NACC2: variants seen among roughly 807,000 people sequenced by gnomAD.
The protein encoded by NACC2 is nucleus accumbens-associated protein 2.
NACC2 carries 8 observed loss-of-function variants against 25.1 expected under a neutral mutation model. The ratio of observed to expected loss-of-function variants is 0.32; its 90% CI spans 0.19 to 0.57. The LOEUF (loss-of-function observed/expected upper bound fraction) is 0.57. Among genes scored for constraint, NACC2 ranks in the 20% least tolerant of loss-of-function variants. NACC2 has a pLI of 0.89. For synonymous variants in NACC2, 435 were observed against 294.7 expected (o/e 1.48, Z -4.88); for missense variants, 644 against 650.2 (o/e 0.99, Z 0.10).
intron 1 of NACC2, among the ~76,000 whole-genome samples, chr9:136,081,978 C>T (rs921279352): frequency 3.9e-5 from 6 of 152,190 alleles, no homozygotes; most frequent in Non-Finnish European, 5.9e-5. Flanking sequence ...GTGGAGCTGA[C>T]GCGAGAGCCA....
chr9:136,036,043 A>G, intron 2 of NACC2, among the ~76,000 whole-genome samples: 1 of 152,234 alleles, frequency 6.6e-6, no homozygotes, highest in Admixed American at 6.6e-5. Context: ...ATAAAAAATT[A>G]TATTAACAAA....
At chr9:136,024,207 AGT>A (rs200789223) in intron 2 of NACC2, among the ~76,000 whole-genome samples, 9 of 88,882 alleles carry the variant, frequency 1.0e-4, no homozygotes, top group Non-Finnish European at 1.5e-4. Flanking sequence ...GTGAGGACAG[AGT>A]GTGTGTGTGT....
chr9:136,093,020 TG>T (rs539083881), intron 1 of NACC2, among the ~76,000 whole-genome samples: 47 of 152,264 alleles, frequency 3.1e-4, no homozygotes, highest in Middle Eastern at 3.4e-3. Flanking sequence ...TGACGGTGGC[TG>T]GGGCCACTGG....
intron 1 of NACC2, among the ~76,000 whole-genome samples, chr9:136,076,186 C>G (rs1020365821): frequency 1.3e-5 from 2 of 152,308 alleles, no homozygotes; most frequent in Middle Eastern, 3.4e-3. Context: ...AAAAGAAAAG[C>G]AAATGATTTC....
chr9:136,051,288 C>T (rs1840830241), intron 1 of NACC2, among the ~76,000 whole-genome samples: 1 of 152,182 alleles, frequency 6.6e-6, no homozygotes, highest in Non-Finnish European at 1.5e-5. Context: ...TGGCTCGGAC[C>T]AGACCCAGGT....
chr9:136,079,995 G>A (rs1222301655), intron 1 of NACC2, among the ~76,000 whole-genome samples: 3 of 152,194 alleles, frequency 2.0e-5, no homozygotes, highest in Non-Finnish European at 4.4e-5. Flanking sequence ...TGCTGGCCAT[G>A]GGGCTGCCTG....
chr9:136,014,154 C>T (rs1840160364), intron 3 of NACC2, among the ~76,000 whole-genome samples, 185 bp from the exon 4 acceptor site: 1 of 152,046 alleles, frequency 6.6e-6, no homozygotes, highest in Non-Finnish European at 1.5e-5. Flanking sequence ...AGGCCATGGC[C>T]AAGGCCAGCC....
chr9:136,051,264 C>T (rs886275447), intron 1 of NACC2, among the ~76,000 whole-genome samples: 2 of 152,166 alleles, frequency 1.3e-5, no homozygotes, highest in African/African-American at 4.8e-5. Flanking sequence ...CCGCTCCGTT[C>T]TCCCGTGCTC....
intron 1 of NACC2, among the ~76,000 whole-genome samples, chr9:136,090,226 G>A (rs1177355593): frequency 6.6e-6 from 1 of 152,238 alleles, no homozygotes; most frequent in African/African-American, 2.4e-5. Flanking sequence ...CAGGGCCTGG[G>A]TGGGGGCCCT....
At chr9:136,062,892 G>A (rs1289733926) in intron 1 of NACC2, among the ~76,000 whole-genome samples, 1 of 152,162 alleles carries the variant, frequency 6.6e-6, no homozygotes, top group East Asian at 1.9e-4. Context: ...ACTCCAGTCT[G>A]GGCAACAGGG....
chr9:136,038,599 G>A (rs1170552604), intron 2 of NACC2, among the ~76,000 whole-genome samples: 5 of 152,134 alleles, frequency 3.3e-5, no homozygotes, highest in Non-Finnish European at 7.4e-5. Context: ...AAGAGGAAAT[G>A]TTATAATATG....
chr9:136,089,594 C>T (rs577651394), intron 1 of NACC2, among the ~76,000 whole-genome samples: 4 of 151,594 alleles, frequency 2.6e-5, no homozygotes, highest in Admixed American at 1.3e-4. Context: ...CTGAGGCTCC[C>T]CCAACTCATG....
intron 2 of NACC2, among the ~76,000 whole-genome samples, chr9:136,034,096 A>G (rs1840517186): frequency 6.6e-6 from 1 of 152,228 alleles, no homozygotes; most frequent in Admixed American, 6.5e-5. Context: ...CATAGGGAAA[A>G]ACAGAGAGAT....
At chr9:136,037,485 T>A (rs538805571) in intron 2 of NACC2, among the ~76,000 whole-genome samples, 1 of 151,306 alleles carries the variant, frequency 6.6e-6, no homozygotes, top group African/African-American at 2.4e-5. Flanking sequence ...CATGTGCATA[T>A]GTGATTTTGT....
intron 1 of NACC2, among the ~76,000 whole-genome samples, chr9:136,079,757 G>T (rs1014269455): frequency 6.6e-6 from 1 of 152,184 alleles, no homozygotes; most frequent in African/African-American, 2.4e-5. Flanking sequence ...CCCATTCTGC[G>T]ACTAGGAATA....
chr9:136,089,887 T>A (rs532700630), intron 1 of NACC2, among the ~76,000 whole-genome samples: 1 of 151,752 alleles, frequency 6.6e-6, no homozygotes, highest in Non-Finnish European at 1.5e-5. Flanking sequence ...GCAAGATTAA[T>A]GCCTAAAGGG....
intron 3 of NACC2, among the ~76,000 whole-genome samples, chr9:136,014,695 T>C (rs1840172015): frequency 6.6e-6 from 1 of 152,170 alleles, no homozygotes; most frequent in South Asian, 2.1e-4. Context: ...CAGGCAACGA[T>C]GAGGGAGACG....
intron 2 of NACC2, among the ~76,000 whole-genome samples, chr9:136,043,245 A>G (rs916057777): frequency 6.6e-6 from 1 of 152,252 alleles, no homozygotes; most frequent in Non-Finnish European, 1.5e-5. Flanking sequence ...TTACTTGCAA[A>G]TTATATAGGG....
intron 1 of NACC2, among the ~76,000 whole-genome samples, chr9:136,061,658 G>A (rs573978086): frequency 2.0e-5 from 3 of 152,294 alleles, no homozygotes; most frequent in South Asian, 2.1e-4. Flanking sequence ...GCCCTCACAC[G>A]GCCAGGTGGC....
Sources: gnomAD v4.1 joint callset for allele counts (sites outside exome capture counted in the v4.1 genomes callset) on GRCh38, gnomAD v4.1.1 for gene constraint, MANE v1.5 for transcripts, NCBI Gene and HGNC (gene_info 2026-07-23, HGNC 2026-07-21) for gene names.